The following HNF1B variants were observed in gnomAD, a reference collection of about 807,000 sequenced individuals.
HNF1B encodes hepatocyte nuclear factor 1-beta.
Under a neutral mutation model 61.7 loss-of-function variants are expected in HNF1B, and 8 were observed. The observed-to-expected ratio is 0.13, with a 90% CI of 0.08 to 0.23. HNF1B has a LOEUF of 0.23. HNF1B is among the 10% of genes least tolerant of loss of function. HNF1B has a pLI of 1.00. For missense variants in HNF1B, 562 were observed against 714.5 expected (o/e 0.79, Z 2.43); for synonymous variants, 314 against 287.7 (o/e 1.09, Z -0.93).
chr17:37,742,533 T>C (rs556150960), intron 1 of HNF1B, among the ~76,000 whole-genome samples: 1 of 152,262 alleles, frequency 6.6e-6, no homozygotes, highest in South Asian at 2.1e-4. Context: ...CTTGAAAAAT[T>C]ACTTTAATCA....
chr17:37,708,178 C>G (rs1174674488), intron 5 of HNF1B, among the ~76,000 whole-genome samples: 1 of 152,196 alleles, frequency 6.6e-6, no homozygotes, highest in African/African-American at 2.4e-5. Flanking sequence ...TTTAACCATA[C>G]TCCACTCTTG....
At chr17:37,699,289 A>G (rs2032487257) in intron 7 of HNF1B, 95 bp from the exon 8 acceptor site, 2 of 912,346 alleles carry the variant, frequency 2.2e-6, no homozygotes, top group Non-Finnish European at 1.9e-6. Context: ...CCATCTCCTC[A>G]GGTAGATAAA....
chr17:37,687,627 T>C (rs1568628816), intron 8 of HNF1B, among the ~76,000 whole-genome samples: 1 of 152,212 alleles, frequency 6.6e-6, no homozygotes, highest in Non-Finnish European at 1.5e-5. Flanking sequence ...AGTGAATTGC[T>C]GGGGACCTTG....
chr17:37,718,003 G>C (rs1034444973), intron 4 of HNF1B, among the ~76,000 whole-genome samples: 3 of 152,108 alleles, frequency 2.0e-5, no homozygotes, highest in Admixed American at 6.5e-5. Flanking sequence ...GCTTAGTTAG[G>C]AGCTCAATTC....
At position 37,719,397 on chromosome 17, in the gene HNF1B, T is replaced by C. The variant is rs558308679; in HGVS notation, c.1046-8734A>G. On this transcript the variant is annotated intron_variant, in intron 4 of 8. Transcript: ENST00000617811. ...CCGAGTTTGGGGGCTACTGGGTTGATTTGGGGATAAGGAGAAGAGTCAATT... is the reference window on the plus strand; with the variant it reads ...CCGAGTTTGGGGGCTACTGGGTTGACTTGGGGATAAGGAGAAGAGTCAATT... Among the ~76,000 whole-genome samples, 8 of 152,246 alleles carry C rather than the reference T, an allele frequency of 5.3e-5. No individual in the cohort carries two copies. In the South Asian group the frequency reaches 1.0e-3, roughly 20 times the overall value.
chr17:37,742,982 C>T (rs988058557), intron 1 of HNF1B, among the ~76,000 whole-genome samples: 70 of 103,028 alleles, frequency 6.8e-4, no homozygotes, highest in African/African-American at 3.9e-3. Flanking sequence ...AACCTAATCA[C>T]GGCTCTTTGT....
At chr17:37,708,748 G>C (rs965886275) in intron 5 of HNF1B, among the ~76,000 whole-genome samples, 1 of 152,210 alleles carries the variant, frequency 6.6e-6, no homozygotes, top group African/African-American at 2.4e-5. Flanking sequence ...TTAAGGGATA[G>C]GTGGGAGTAG....
chr17:37,736,074 T>C (rs560213119), intron 2 of HNF1B, among the ~76,000 whole-genome samples: 6 of 152,380 alleles, frequency 3.9e-5, no homozygotes, highest in African/African-American at 1.4e-4. Context: ...CACCTGATTA[T>C]ACTTTTCAAA....
Position 37,744,904 on chromosome 17 carries a change from A to T in HNF1B, c.-20T>A. The T allele has an allele frequency of 6.1e-6, 5 of 821,712 alleles. No individual in the cohort carries two copies. The highest frequency in any genetic ancestry group is 1.8e-5 in the African/African-American group (1 of 55,038). 50.9% of individuals were successfully genotyped at this position (821,712 alleles called of 1,614,324 possible). Reference sequence around the variant, plus strand: ...CACCATTTTCCAAGGACGGAAAAAGAAGGGGGTGAGGGGGTGGGTGGGTGC... The same window carrying T: ...CACCATTTTCCAAGGACGGAAAAAGTAGGGGGTGAGGGGGTGGGTGGGTGC... On this transcript the variant is annotated 5_prime_UTR_variant, in exon 1 of 9. Transcript: ENST00000617811.
At chr17:37,736,031 G>A (rs1272898350) in intron 2 of HNF1B, among the ~76,000 whole-genome samples, 1 of 152,188 alleles carries the variant, frequency 6.6e-6, no homozygotes, top group African/African-American at 2.4e-5. Flanking sequence ...GCCTCCCAAA[G>A]CATTGGGGTT....
rs1017196858 is a variant in HNF1B at position 37,710,398 on chromosome 17, G to C, written c.1206+105C>G. ...CTGGACAGCCCTCATTTTCCCCTAT[G>C]GGGCTACAATGGTTCATTGTTTGAG... On this transcript the variant is annotated intron_variant, in intron 5 of 8. Transcript: ENST00000617811. 19 of 1,432,394 alleles carry C rather than the reference G, an allele frequency of 1.3e-5. 1 individual carries two copies. The allele number at this position is 1,432,394 out of a possible 1,614,324, so 88.7% of individuals were successfully genotyped here.
chr17:37,743,172 G>A (rs549485754), intron 1 of HNF1B, among the ~76,000 whole-genome samples: 50 of 152,296 alleles, frequency 3.3e-4, no homozygotes, highest in African/African-American at 1.2e-3. Context: ...GGAGGGCCTA[G>A]GCCCTGTGGC....
chr17:37,699,857 G>A (rs560021444), intron 7 of HNF1B, among the ~76,000 whole-genome samples: 2 of 152,298 alleles, frequency 1.3e-5, no homozygotes, highest in African/African-American at 2.4e-5. Context: ...ATAGAAGGCT[G>A]GACTTGGCTG....
intron 8 of HNF1B, among the ~76,000 whole-genome samples, chr17:37,687,956 T>C (rs2032037414): frequency 6.6e-6 from 1 of 152,184 alleles, no homozygotes; most frequent in South Asian, 2.1e-4. Flanking sequence ...GCTGCTCACC[T>C]AGGGCAGCAA....
intron 1 of HNF1B, among the ~76,000 whole-genome samples, chr17:37,741,505 TAA>T (rs2033990821): frequency 6.6e-6 from 1 of 152,190 alleles, no homozygotes. Context: ...GAATTCACAT[TAA>T]GAGGAAAATA....
At chr17:37,736,193 G>C (rs2033827375) in intron 2 of HNF1B, among the ~76,000 whole-genome samples, 1 of 152,246 alleles carries the variant, frequency 6.6e-6, no homozygotes, top group African/African-American at 2.4e-5. Context: ...AGTGAGGTCT[G>C]TCACAGTGTC....
intron 8 of HNF1B, among the ~76,000 whole-genome samples, chr17:37,689,587 G>C (rs2032119937): frequency 1.3e-5 from 2 of 152,232 alleles, no homozygotes; most frequent in Admixed American, 1.3e-4. Flanking sequence ...GGTGCACTGT[G>C]GTCCCTTAGA....
At chr17:37,689,176 G>A (rs2032102805) in intron 8 of HNF1B, among the ~76,000 whole-genome samples, 1 of 151,662 alleles carries the variant, frequency 6.6e-6, no homozygotes, top group Non-Finnish European at 1.5e-5. Context: ...AAAAAGAGGG[G>A]GGCTGAGCAG....
intron 4 of HNF1B, among the ~76,000 whole-genome samples, chr17:37,721,311 G>A (rs559992841): frequency 1.6e-4 from 25 of 152,286 alleles, no homozygotes; most frequent in South Asian, 8.3e-4. Context: ...CCTGAAACGG[G>A]GAAGGAGCGA....
Sources: gnomAD v4.1 joint callset for allele counts (sites outside exome capture counted in the v4.1 genomes callset) on GRCh38, gnomAD v4.1.1 for gene constraint, MANE v1.5 for transcripts, NCBI Gene and HGNC (gene_info 2026-07-23, HGNC 2026-07-21) for gene names.